Variants in NINJ2 observed in about 807,000 individuals in gnomAD.
NINJ2 encodes the protein ninjurin-2.
A neutral mutation model predicts 11.7 loss-of-function variants in NINJ2; 12 were observed. That is an observed-to-expected ratio of 1.02 (90% CI 0.66 to 1.66). The LOEUF (loss-of-function observed/expected upper bound fraction) is 1.66. Among genes scored for constraint, NINJ2 ranks in the 40% most tolerant of loss-of-function variants. The pLI is 0.00. For synonymous variants in NINJ2, 93 were observed against 76.8 expected (o/e 1.21, Z -1.10); for missense variants, 187 against 181.8 (o/e 1.03, Z -0.16).
At chr12:623,920 C>T (rs780966126) in intron 1 of NINJ2, among the ~76,000 whole-genome samples, 1 of 152,128 alleles carries the variant, frequency 6.6e-6, no homozygotes, top group Non-Finnish European at 1.5e-5. Context: ...CCTGTAGTCC[C>T]AGCTGCTCAG....
chr12:588,825 T>C (rs992167580), intron 1 of NINJ2, among the ~76,000 whole-genome samples: 4 of 152,200 alleles, frequency 2.6e-5, no homozygotes, highest in Non-Finnish European at 5.9e-5. Context: ...ATAGATATGA[T>C]AGCCTACATG....
intron 1 of NINJ2, among the ~76,000 whole-genome samples, chr12:569,363 T>G (rs964246516): frequency 6.6e-6 from 1 of 152,194 alleles, no homozygotes; most frequent in Non-Finnish European, 1.5e-5. Flanking sequence ...AGAGCACTCA[T>G]TAGGCAAGAG....
At chr12:606,631 G>A (rs1440908687) in intron 1 of NINJ2, among the ~76,000 whole-genome samples, 1 of 152,176 alleles carries the variant, frequency 6.6e-6, no homozygotes, top group East Asian at 1.9e-4. Flanking sequence ...ACAGAGGAGT[G>A]AAATGGCACT....
chr12:575,690 A>G (rs1947447114), intron 1 of NINJ2, among the ~76,000 whole-genome samples: 2 of 152,204 alleles, frequency 1.3e-5, no homozygotes, highest in Non-Finnish European at 1.5e-5. Context: ...CACCTTGCCC[A>G]CATGAGGTAC....
At chr12:624,895 G>A (rs1034174958) in intron 1 of NINJ2, among the ~76,000 whole-genome samples, 2 of 151,450 alleles carry the variant, frequency 1.3e-5, no homozygotes, top group Non-Finnish European at 2.9e-5. Flanking sequence ...GATCACCTGA[G>A]GTAAGGAGTT....
At chr12:598,781 C>T (rs1351893429) in intron 1 of NINJ2, among the ~76,000 whole-genome samples, 1 of 151,958 alleles carries the variant, frequency 6.6e-6, no homozygotes, top group Non-Finnish European at 1.5e-5. Flanking sequence ...CTCACTGGAG[C>T]CCCGACTTCC....
intron 1 of NINJ2, among the ~76,000 whole-genome samples, chr12:598,430 C>T (rs1947819345): frequency 6.6e-6 from 1 of 152,166 alleles, no homozygotes; most frequent in African/African-American, 2.4e-5. Flanking sequence ...CCGAGCTTGC[C>T]CATCTTACCA....
At chr12:605,524 C>T (rs369564765) in intron 1 of NINJ2, among the ~76,000 whole-genome samples, 32 of 152,250 alleles carry the variant, frequency 2.1e-4, no homozygotes, top group African/African-American at 6.5e-4. Flanking sequence ...TGCACCACTG[C>T]GCTCCAGCCG....
intron 1 of NINJ2, among the ~76,000 whole-genome samples, chr12:657,290 TCAA>T (rs1937886029): frequency 1.3e-5 from 2 of 152,156 alleles, no homozygotes; most frequent in South Asian, 4.1e-4. Context: ...ATCTTAAAAT[TCAA>T]CAACAAGAAA....
chr12:660,036 A>G (rs1255601935), intron 1 of NINJ2, among the ~76,000 whole-genome samples: 3 of 152,066 alleles, frequency 2.0e-5, no homozygotes, highest in Non-Finnish European at 4.4e-5. Flanking sequence ...TGTAATCCCA[A>G]CACTTTGGGA....
At chr12:648,811 T>C (rs961468494) in intron 1 of NINJ2, among the ~76,000 whole-genome samples, 1 of 152,160 alleles carries the variant, frequency 6.6e-6, no homozygotes, top group Admixed American at 6.6e-5. Flanking sequence ...CACCTTAGAG[T>C]CTAAACAAAT....
At chr12:645,419 T>G (rs1937661978) in intron 1 of NINJ2, 2 of 152,214 alleles carry the variant, frequency 1.3e-5, no homozygotes, top group Admixed American at 1.3e-4. Context: ...GCCGTTATCA[T>G]TTATGTGCCT....
chr12:648,992 A>ATCTGTCTG (rs994280627), intron 1 of NINJ2, among the ~76,000 whole-genome samples: 7 of 59,466 alleles, frequency 1.2e-4, no homozygotes, highest in East Asian at 4.3e-4. Context: ...CTATCTATCT[A>ATCTGTCTG]TCTGTCTATC....
rs1947902850 is a variant in NINJ2, at chr12:603,739, C to A, written c.34-37561G>T. Among the ~76,000 whole-genome samples, 3 of 152,030 alleles carry A rather than the reference C, an allele frequency of 2.0e-5. No homozygotes were observed. The South Asian group carries it at 6.2e-4, about 32-fold the overall frequency. On this transcript the variant is annotated intron_variant, in intron 1 of 3. Transcript: ENST00000305108. Reference sequence around the variant, plus strand: ...ATAGTGGTGCAATCTTGGCTCAGTGCAACCTCTGCCTCCCAGGTTCAAGTG... The same window carrying A: ...ATAGTGGTGCAATCTTGGCTCAGTGAAACCTCTGCCTCCCAGGTTCAAGTG...
Position 601,914 on chromosome 12 carries a change from G to T in NINJ2, c.34-35736C>A, listed in dbSNP as rs377305164. Among the ~76,000 whole-genome samples the T allele has an allele frequency of 2.0e-5, 3 of 152,284 alleles. No individual in the cohort carries two copies. The East Asian group carries it at 5.8e-4, about 29-fold the overall frequency. On this transcript the variant is annotated intron_variant, in intron 1 of 3. Coordinates refer to ENST00000305108, the MANE Select transcript of NINJ2 (RefSeq NM_016533.6). Reference sequence around the variant, plus strand: ...TAAATAAAATAAAATGATTTCCATGGGAATAAGAGAGTAGAGTCTGACCCA... The same window carrying T: ...TAAATAAAATAAAATGATTTCCATGTGAATAAGAGAGTAGAGTCTGACCCA...
intron 1 of NINJ2, among the ~76,000 whole-genome samples, chr12:599,511 C>A (rs1947836578): frequency 6.6e-6 from 1 of 152,186 alleles, no homozygotes; most frequent in South Asian, 2.1e-4. Context: ...CACAAGCCAT[C>A]ACACGTTGAG....
intron 1 of NINJ2, among the ~76,000 whole-genome samples, chr12:582,533 G>A (rs559826827): frequency 1.2e-5 from 1 of 81,958 alleles, no homozygotes; most frequent in African/African-American, 5.4e-5. Context: ...ATGGACGCAG[G>A]CAGGCAGGCA....
chr12:568,201 A>T (rs1467028347), intron 1 of NINJ2, among the ~76,000 whole-genome samples: 1 of 152,238 alleles, frequency 6.6e-6, no homozygotes, highest in East Asian at 1.9e-4. Flanking sequence ...ATTTGAAAGG[A>T]TTACATAAAA....
rs1367199224 is a variant in NINJ2 at position 566,008 on chromosome 12, G to C, written c.204C>G (p.Thr68=). Residue 68 remains threonine, a synonymous_variant, in exon 2 of 4, where the codon ACC becomes ACG. Coordinates refer to ENST00000305108, the MANE Select transcript of NINJ2 (RefSeq NM_016533.6). ...PSSHYYTTLV[T]LISLSLLLQV... ...GCAGGAGCAGAGAGAGGCTGATGAG[G>C]GTGACCAGGGTGGTGTAGTAGTGAG... The C allele has an allele frequency of 6.2e-7, 1 of 1,614,210 alleles. No individual in the cohort carries two copies. The highest frequency in any genetic ancestry group is 1.1e-5 in the South Asian group (1 of 91,072).
Sources: allele counts gnomAD v4.1 joint callset (sites outside exome capture counted in the v4.1 genomes callset), GRCh38; gene constraint gnomAD v4.1.1; transcripts MANE v1.5; gene names NCBI Gene and HGNC (gene_info 2026-07-23, HGNC 2026-07-21).